CTNNBL1: variants seen among roughly 807,000 people sequenced by gnomAD.
CTNNBL1 encodes the protein catenin beta like 1, also known as beta-catenin-like protein 1.
Under a neutral mutation model 72.7 loss-of-function variants are expected in CTNNBL1, and 31 were observed. The ratio of observed to expected loss-of-function variants is 0.43; its 90% CI spans 0.32 to 0.58. CTNNBL1 has a LOEUF of 0.58. CTNNBL1 is among the 20% of genes least tolerant of loss of function. The pLI, the probability that CTNNBL1 is intolerant of heterozygous loss-of-function variation, is 0.08. For synonymous variants in CTNNBL1, 240 were observed against 267.3 expected (o/e 0.90, Z 1.00); for missense variants, 534 against 725.1 (o/e 0.74, Z 3.03).
At chr20:37,822,769 T>A (rs1248675773) in intron 11 of CTNNBL1, among the ~76,000 whole-genome samples, 1 of 152,190 alleles carries the variant, frequency 6.6e-6, no homozygotes, top group Non-Finnish European at 1.5e-5. Context: ...TTTTCACATC[T>A]GTACAATGGG....
chr20:37,768,126 T>C, intron 7 of CTNNBL1, 82 bp downstream of exon 7: 1 of 1,138,078 alleles, frequency 8.8e-7, no homozygotes, highest in Non-Finnish European at 1.3e-6. Flanking sequence ...GCATAGACTG[T>C]TATGCTGGGC....
In CTNNBL1 at chr20:37,694,092, G is replaced by A; in HGVS notation, c.-31G>A. On this transcript the variant is annotated 5_prime_UTR_variant, in exon 1 of 16. Coordinates refer to ENST00000361383, the MANE Select transcript of CTNNBL1 (RefSeq NM_030877.5). Reference sequence around the variant, plus strand: ...GGCCCGCGGTCTGGGCGTGAGTGCAGGGAAGTGGAGTATTTGCTGGGCCGG... The same window carrying A: ...GGCCCGCGGTCTGGGCGTGAGTGCAAGGAAGTGGAGTATTTGCTGGGCCGG... The A allele has an allele frequency of 6.2e-7, 1 of 1,602,860 alleles. No homozygotes were observed. Among genetic ancestry groups the A allele is most frequent in the Admixed American group, 1.7e-5 (1 of 58,714 alleles).
chr20:37,727,882 CTTGTTTTGTT>C lies in CTNNBL1; in HGVS notation c.31-4992_31-4983del, dbSNP rs566217305. 2.8e-3 allele frequency among the ~76,000 whole-genome samples: 427 copies of C among 152,212 alleles called. 5 individuals are homozygous for C. The highest frequency in any genetic ancestry group is 0.017 in the East Asian group (87 of 5,174). ...CTGAGCTTCTTCCCTGCTTACAATT[CTTGTTTTGTT>C]TTGTATAAGCAGTCACTCTCTCAGT... is the stretch of plus-strand genomic sequence containing the variant. On this transcript the variant is annotated intron_variant, in intron 1 of 15. Transcript: ENST00000361383.
intron 11 of CTNNBL1, among the ~76,000 whole-genome samples, chr20:37,809,603 G>T (rs966814560): frequency 1.1e-4 from 16 of 152,182 alleles, no homozygotes; most frequent in African/African-American, 3.6e-4. Context: ...CAAAGTCATT[G>T]CCATTGTTAT....
chr20:37,735,298 T>C (rs1340833444), intron 2 of CTNNBL1, among the ~76,000 whole-genome samples: 1 of 152,090 alleles, frequency 6.6e-6, no homozygotes, highest in Admixed American at 6.6e-5. Flanking sequence ...AGTCTACTTA[T>C]GCCAGAGAAC....
chr20:37,774,133 T>G (rs2073552566), intron 7 of CTNNBL1, among the ~76,000 whole-genome samples: 1 of 151,956 alleles, frequency 6.6e-6, no homozygotes, highest in Admixed American at 6.6e-5. Context: ...AGGCTGGTCT[T>G]GAACTCCTGG....
At chr20:37,796,189 C>A (rs2073772507) in intron 10 of CTNNBL1, among the ~76,000 whole-genome samples, 1 of 152,174 alleles carries the variant, frequency 6.6e-6, no homozygotes, top group Non-Finnish European at 1.5e-5. Context: ...TTTCTTACTT[C>A]TCTTAGGCAG....
At chr20:37,855,051 A>G (rs1305433728) in intron 13 of CTNNBL1, among the ~76,000 whole-genome samples, 3 of 149,922 alleles carry the variant, frequency 2.0e-5, no homozygotes, top group Non-Finnish European at 4.4e-5. Flanking sequence ...AATGCCTAGT[A>G]TGTAGTAATC....
chr20:37,867,191 C>T (rs79026480), intron 15 of CTNNBL1, among the ~76,000 whole-genome samples: 1 of 152,122 alleles, frequency 6.6e-6, no homozygotes, highest in South Asian at 2.1e-4. Context: ...GAAGGATTTT[C>T]CTTTCTCAGT....
At chr20:37,731,922 C>T (rs995928351) in intron 1 of CTNNBL1, among the ~76,000 whole-genome samples, 6 of 152,184 alleles carry the variant, frequency 3.9e-5, no homozygotes, top group Middle Eastern at 3.2e-3. Context: ...CTGTTGGTTA[C>T]ATACCCAAAA....
chr20:37,730,084 T>C (rs2073117144), intron 1 of CTNNBL1, among the ~76,000 whole-genome samples: 1 of 152,214 alleles, frequency 6.6e-6, no homozygotes, highest in African/African-American at 2.4e-5. Context: ...GCACCTGGTA[T>C]GTGGAGCAAG....
At chr20:37,846,814 G>T (rs927455179) in intron 13 of CTNNBL1, among the ~76,000 whole-genome samples, 2 of 152,010 alleles carry the variant, frequency 1.3e-5, no homozygotes, top group African/African-American at 2.4e-5. Context: ...CTGCTATCAG[G>T]TCTCAGTAAA....
chr20:37,749,169 G>A (rs2073295158), intron 4 of CTNNBL1, among the ~76,000 whole-genome samples: 1 of 152,180 alleles, frequency 6.6e-6, no homozygotes, highest in Non-Finnish European at 1.5e-5. Context: ...GTGCACCTCA[G>A]GTCTTCCTGT....
rs761574933 is a variant in CTNNBL1 at position 37,842,329 on chromosome 20, T to C, written c.1312-10T>C. 5 of 1,599,658 alleles carry C rather than the reference T, an allele frequency of 3.1e-6. No homozygotes were observed. Among genetic ancestry groups the C allele is most frequent in the Non-Finnish European group, 3.4e-6 (4 of 1,166,810 alleles). ...CCTTCTCACTCAAGCCTGTGAAATC[T>C]CTCTTTCAGGTTGACAGACTAATGG... On this transcript the variant is annotated splice_polypyrimidine_tract_variant and intron_variant, in intron 12 of 15. Coordinates refer to ENST00000361383, the MANE Select transcript of CTNNBL1 (RefSeq NM_030877.5).
chr20:37,843,942 A>C (rs1167188174), intron 13 of CTNNBL1, among the ~76,000 whole-genome samples: 1 of 152,250 alleles, frequency 6.6e-6, no homozygotes, highest in Non-Finnish European at 1.5e-5. Flanking sequence ...TGCACTTTAG[A>C]TATTAGCATG....
Position 37,871,304 on chromosome 20 carries a change from C to T in CTNNBL1, c.1604-621C>T, listed in dbSNP as rs139057488. ...CAGCTGGTGTCTGTCTTAGTCTGTTCGTGCTGCTGTAACAAAATCCCTGAG... is the reference window on the plus strand; with the variant it reads ...CAGCTGGTGTCTGTCTTAGTCTGTTTGTGCTGCTGTAACAAAATCCCTGAG... On this transcript the variant is annotated intron_variant, in intron 15 of 15. Transcript: ENST00000361383. 2.9e-4 allele frequency among the ~76,000 whole-genome samples: 44 copies of T among 152,280 alleles called. No homozygotes were observed. The East Asian group carries it at 7.1e-3, about 25-fold the overall frequency.
intron 1 of CTNNBL1, among the ~76,000 whole-genome samples, chr20:37,705,442 G>A (rs562760071): frequency 2.0e-5 from 3 of 152,132 alleles, no homozygotes; most frequent in African/African-American, 4.8e-5. Context: ...CTAACAACAC[G>A]CATGCTACAG....
intron 11 of CTNNBL1, among the ~76,000 whole-genome samples, chr20:37,829,671 A>G (rs2072191033): frequency 6.6e-6 from 1 of 151,904 alleles, no homozygotes; most frequent in African/African-American, 2.4e-5. Context: ...TCCGCTTGGC[A>G]TATTCTTGCT....
intron 3 of CTNNBL1, among the ~76,000 whole-genome samples, chr20:37,738,568 A>G (rs996172202): frequency 6.6e-6 from 1 of 152,168 alleles, no homozygotes; most frequent in African/African-American, 2.4e-5. Flanking sequence ...ATGAATCTTA[A>G]TATGCCCAAG....
Sources: allele counts gnomAD v4.1 joint callset (sites outside exome capture counted in the v4.1 genomes callset), GRCh38; gene constraint gnomAD v4.1.1; transcripts MANE v1.5; gene names NCBI Gene and HGNC (gene_info 2026-07-23, HGNC 2026-07-21).